The following RAVER2 variants were observed in gnomAD, a reference collection of about 807,000 sequenced individuals.
RAVER2 encodes ribonucleoprotein PTB-binding 2.
Under a neutral mutation model 78.1 loss-of-function variants are expected in RAVER2, and 46 were observed. The observed-to-expected ratio is 0.59, with a 90% CI of 0.46 to 0.75. RAVER2 has a LOEUF of 0.75. Ranked by LOEUF, RAVER2 falls within the 30% of genes least tolerant of loss-of-function variation. The pLI is 0.00. For synonymous variants in RAVER2, 311 were observed against 313.3 expected (o/e 0.99, Z 0.08); for missense variants, 793 against 837.5 (o/e 0.95, Z 0.66).
At chr1:64,804,065 A>G (rs965382524) in intron 6 of RAVER2, among the ~76,000 whole-genome samples, 5 of 152,066 alleles carry the variant, frequency 3.3e-5, no homozygotes, top group South Asian at 2.1e-4. Context: ...TTGGTCCTCA[A>G]AGGACCTTGT....
At chr1:64,762,200 A>T (rs1054786162) in intron 1 of RAVER2, among the ~76,000 whole-genome samples, 7 of 152,246 alleles carry the variant, frequency 4.6e-5, no homozygotes, top group Admixed American at 6.5e-5. Flanking sequence ...AATGCAATTT[A>T]AAAAATCTGA....
rs778234925 is a variant in RAVER2 at position 64,777,783 on chromosome 1, AG to A, written c.478del (p.Glu160AsnfsTer32). The stretch of plus-strand genomic sequence containing the variant: ...TTTCTTTTACATCAGAAGAGTTTGA[AG>A]AACTTGTTCGTGCTTATGGAAATAT... On this transcript the variant is annotated frameshift_variant, in exon 3 of 12. Coordinates refer to ENST00000294428, the Ensembl canonical transcript of RAVER2. LOFTEE classifies it high-confidence loss of function. 1 of 1,614,124 alleles carries A rather than the reference AG, an allele frequency of 6.2e-7. No individual in the cohort carries two copies. Among genetic ancestry groups the A allele is most frequent in the South Asian group, 1.1e-5 (1 of 91,088 alleles).
intron 5 of RAVER2, among the ~76,000 whole-genome samples, chr1:64,790,002 A>T (rs186067435): frequency 3.0e-4 from 46 of 152,300 alleles, no homozygotes; most frequent in African/African-American, 1.1e-3. Context: ...GTGTTATGCA[A>T]ATCTTTATAA....
At chr1:64,757,161 T>A (rs1436409761) in intron 1 of RAVER2, among the ~76,000 whole-genome samples, 1 of 152,246 alleles carries the variant, frequency 6.6e-6, no homozygotes, top group Non-Finnish European at 1.5e-5. Context: ...TCCCCAGCAT[T>A]CACTGAGTAT....
intron 8 of RAVER2, among the ~76,000 whole-genome samples, chr1:64,806,129 A>G (rs1184827656): frequency 1.3e-5 from 2 of 152,248 alleles, no homozygotes; most frequent in Non-Finnish European, 2.9e-5. Flanking sequence ...AGTTGTCAAA[A>G]TTAGCTTTTT....
chr1:64,788,822 G>C (rs1324332644), intron 4 of RAVER2, among the ~76,000 whole-genome samples: 1 of 150,666 alleles, frequency 6.6e-6, no homozygotes, highest in Non-Finnish European at 1.5e-5. Flanking sequence ...ATTTTGAATT[G>C]TAAGGCAACC....
At chr1:64,781,034 ATTTTCT>A (rs1404736078) in intron 3 of RAVER2, among the ~76,000 whole-genome samples, 1 of 152,090 alleles carries the variant, frequency 6.6e-6, no homozygotes, top group African/African-American at 2.4e-5. Context: ...GTACCTGGTG[ATTTTCT>A]TTTAAGGAAA....
chr1:64,790,043 A>T (rs1652892684), intron 5 of RAVER2, among the ~76,000 whole-genome samples: 2 of 152,210 alleles, frequency 1.3e-5, no homozygotes, highest in Admixed American at 1.3e-4. Context: ...CTACCTATTT[A>T]GTATTCTTTC....
chr1:64,776,268 GAGAT>G (rs1454256523), intron 2 of RAVER2, among the ~76,000 whole-genome samples: 1 of 152,174 alleles, frequency 6.6e-6, no homozygotes, highest in Non-Finnish European at 1.5e-5. Flanking sequence ...TAGAAACTAA[GAGAT>G]AGCCTTTTAA....
At chr1:64,748,890 TGCGG>T (rs1324297798) in intron 1 of RAVER2, among the ~76,000 whole-genome samples, 11 of 152,274 alleles carry the variant, frequency 7.2e-5, no homozygotes, top group African/African-American at 1.2e-4. Flanking sequence ...TGGACTGGAG[TGCGG>T]TGGAACGATC....
intron 1 of RAVER2, among the ~76,000 whole-genome samples, chr1:64,759,773 C>T (rs1418371600): frequency 6.6e-6 from 1 of 152,060 alleles, no homozygotes; most frequent in Non-Finnish European, 1.5e-5. Flanking sequence ...GCCTTGGCCT[C>T]GCAAAGTGCA....
intron 9 of RAVER2, among the ~76,000 whole-genome samples, chr1:64,812,083 C>T (rs190641486): frequency 5.1e-4 from 78 of 152,092 alleles, no homozygotes; most frequent in Non-Finnish European, 9.3e-4. Flanking sequence ...CGGTGGGTCA[C>T]GCCTGTAATC....
chr1:64,830,762 T>C (rs1654107207), intron 11 of RAVER2, 77 bp from the exon 12 acceptor site: 3 of 1,334,522 alleles, frequency 2.2e-6, no homozygotes, highest in African/African-American at 1.5e-5. Flanking sequence ...CAAAGTGGAA[T>C]GCTTTTCTTA....
intron 5 of RAVER2, among the ~76,000 whole-genome samples, chr1:64,801,851 G>C (rs1213599707): frequency 1.3e-5 from 2 of 152,180 alleles, no homozygotes; most frequent in African/African-American, 4.8e-5. Context: ...CTGGGCAATA[G>C]AGTGTGACTC....
At chr1:64,749,216 T>C (rs1651626878) in intron 1 of RAVER2, among the ~76,000 whole-genome samples, 1 of 152,038 alleles carries the variant, frequency 6.6e-6, no homozygotes, top group South Asian at 2.1e-4. Context: ...TTTTGTTTGT[T>C]TGTTTGTTTT....
chr1:64,773,162 G>T lies in RAVER2; in HGVS notation c.316+4440G>T, dbSNP rs79704996. On this transcript the variant is annotated intron_variant, in intron 2 of 11. Transcript: ENST00000294428. ...GGGTGTTGTGTGACCAGCTAAAATA[G>T]GGAATAAAGGAAGATGAGAAGTATT... Among the ~76,000 whole-genome samples, 1,382 of 152,094 alleles carry T rather than the reference G, an allele frequency of 9.1e-3. 42 individuals carry two copies. Among genetic ancestry groups the T allele is most frequent in the Admixed American group, 0.064 (977 of 15,256 alleles).
intron 11 of RAVER2, among the ~76,000 whole-genome samples, chr1:64,822,797 G>C (rs1454276820): frequency 1.3e-5 from 2 of 152,224 alleles, no homozygotes; most frequent in Non-Finnish European, 2.9e-5. Flanking sequence ...TGTCCATCTA[G>C]TGATGAATGA....
At chr1:64,779,256 G>T (rs994211717) in intron 3 of RAVER2, among the ~76,000 whole-genome samples, 2 of 151,940 alleles carry the variant, frequency 1.3e-5, no homozygotes, top group Non-Finnish European at 2.9e-5. Flanking sequence ...CTGAAATGTT[G>T]CATCTTTTGA....
intron 11 of RAVER2, among the ~76,000 whole-genome samples, chr1:64,824,410 A>G (rs759513887): frequency 2.6e-4 from 40 of 152,346 alleles, no homozygotes; most frequent in Non-Finnish European, 2.2e-4. Flanking sequence ...CAAAAAGTAC[A>G]TTGTGTTATG....
Sources: gnomAD v4.1 joint callset for allele counts (sites outside exome capture counted in the v4.1 genomes callset) on GRCh38, gnomAD v4.1.1 for gene constraint, MANE v1.5 for transcripts, NCBI Gene and HGNC (gene_info 2026-07-23, HGNC 2026-07-21) for gene names.